Variants in SEPHS1 observed in about 807,000 individuals in gnomAD.
The protein encoded by SEPHS1 is zincore component SEPHS1.
A neutral mutation model predicts 39.2 loss-of-function variants in SEPHS1; 7 were observed. That is an observed-to-expected ratio of 0.18 (90% CI 0.10 to 0.34). The LOEUF is 0.34. SEPHS1 is among the 10% of genes least tolerant of loss of function. The pLI is 1.00. For synonymous variants in SEPHS1, 190 were observed against 195.5 expected (o/e 0.97, Z 0.23); for missense variants, 253 against 514.5 (o/e 0.49, Z 4.92).
chr10:13,325,921 AAAAAAAAAAAAAGAGACTCAGTCTC>A, intron 7 of SEPHS1, among the ~76,000 whole-genome samples: 1 of 65,230 alleles, frequency 1.5e-5, no homozygotes, highest in South Asian at 4.2e-4. Context: ...AAAAAAAAAA[AAAAAAAAAAAAAGAGACTCAGTCTC>A]AAAAAAAAAA....
At chr10:13,321,310 G>A (rs989810619) in intron 8 of SEPHS1, among the ~76,000 whole-genome samples, 11 of 151,926 alleles carry the variant, frequency 7.2e-5, no homozygotes, top group African/African-American at 2.2e-4. Context: ...GCAGTGGGGC[G>A]ATCTTGGCTC....
chr10:13,324,686 C>G (rs967100923), intron 7 of SEPHS1, among the ~76,000 whole-genome samples: 1 of 152,206 alleles, frequency 6.6e-6, no homozygotes, highest in Non-Finnish European at 1.5e-5. Context: ...TCACAGCTTA[C>G]TGCAGCCTCG....
intron 3 of SEPHS1, among the ~76,000 whole-genome samples, chr10:13,336,888 C>A (rs1011753486): frequency 6.6e-6 from 1 of 152,188 alleles, no homozygotes; most frequent in Non-Finnish European, 1.5e-5. Context: ...TGATAGCTCA[C>A]GCCTGTAATC....
rs999233542 is a variant in SEPHS1, at chr10:13,321,410, G to A, written c.964+1425C>T. ...TACAGGGCACACGCCACGACGCCCC[G>A]CTAATTTTTGTATTTTTAGTAGAGA... On this transcript the variant is annotated intron_variant, in intron 8 of 8. Coordinates refer to ENST00000327347, the MANE Select transcript of SEPHS1 (RefSeq NM_012247.5). Among the ~76,000 whole-genome samples, 13 of 152,092 alleles carry A rather than the reference G, an allele frequency of 8.5e-5. No individual in the cohort carries two copies. The Middle Eastern group carries it at 0.02, about 239-fold the overall frequency.
At chr10:13,322,412 C>G (rs1833144779) in intron 8 of SEPHS1, among the ~76,000 whole-genome samples, 1 of 152,038 alleles carries the variant, frequency 6.6e-6, no homozygotes, top group Non-Finnish European at 1.5e-5. Flanking sequence ...TCCTGAGGTG[C>G]CAGTATTACA....
intron 4 of SEPHS1, among the ~76,000 whole-genome samples, chr10:13,334,657 G>A (rs1441434127): frequency 6.6e-6 from 1 of 151,958 alleles, no homozygotes; most frequent in Non-Finnish European, 1.5e-5. Context: ...CTGCTGCAGT[G>A]AGCTCTCATC....
rs369269469 is a variant in SEPHS1 at position 13,329,805 on chromosome 10, G to C, written c.561-17C>G. 5.8e-5 allele frequency: 93 copies of C among 1,591,358 alleles called. No homozygotes were observed. The African/African-American group carries it at 1.1e-3, about 18-fold the overall frequency. Reference sequence around the variant, plus strand: ...TTGTCTGGCCTGAAGAAAAGAAAAGGGCATGTTCTAGTCAAACTAACCAAG... The same window carrying C: ...TTGTCTGGCCTGAAGAAAAGAAAAGCGCATGTTCTAGTCAAACTAACCAAG... On this transcript the variant is annotated splice_polypyrimidine_tract_variant and intron_variant, in intron 5 of 8. Transcript: ENST00000327347.
At position 13,318,165 on chromosome 10, in the gene SEPHS1, A is replaced by G. The variant is rs1832997297; in HGVS notation, c.*977T>C. On this transcript the variant is annotated 3_prime_UTR_variant, in exon 9 of 9. Coordinates refer to ENST00000327347, the MANE Select transcript of SEPHS1 (RefSeq NM_012247.5). Reference sequence around the variant, plus strand: ...TGCAGGTTTTTAACACAGATCACAAAAAGCGTGCACAAAAAAGTACTGGCG... The same window carrying G: ...TGCAGGTTTTTAACACAGATCACAAGAAGCGTGCACAAAAAAGTACTGGCG... 1 of 152,616 alleles carries G rather than the reference A, an allele frequency of 6.6e-6. No homozygotes were observed. The highest frequency in any genetic ancestry group is 2.4e-5 in the African/African-American group (1 of 41,458). 9.5% of individuals were successfully genotyped at this position (152,616 alleles called of 1,614,324 possible).
intron 2 of SEPHS1, among the ~76,000 whole-genome samples, chr10:13,343,917 T>C (rs1178633066): frequency 2.6e-5 from 4 of 152,240 alleles, no homozygotes; most frequent in Non-Finnish European, 2.9e-5. Context: ...AGTCTTGTAC[T>C]GTGTACTTAA....
In SEPHS1 at chr10:13,347,358, G is replaced by T. The variant is rs544006010; in HGVS notation, c.-79+642C>A. On this transcript the variant is annotated intron_variant, in intron 1 of 8. Coordinates refer to ENST00000327347, the MANE Select transcript of SEPHS1 (RefSeq NM_012247.5). ...GGCCGGGGAGGGGAGCAAGGAACCC[G>T]GGGACACCTTCGGGCTCAGGCTCAG... The T allele has an allele frequency of 3.3e-5, 5 of 151,908 alleles. No individual in the cohort carries two copies. In the East Asian group the frequency reaches 9.8e-4, roughly 30 times the overall value. 9.4% of individuals were successfully genotyped at this position (151,908 alleles called of 1,614,324 possible).
chr10:13,342,359 T>C (rs1283905049), intron 2 of SEPHS1, among the ~76,000 whole-genome samples: 1 of 151,660 alleles, frequency 6.6e-6, no homozygotes, highest in Non-Finnish European at 1.5e-5. Flanking sequence ...GGTGGGTGGA[T>C]AACCTGAGCT....
chr10:13,337,431 A>G (rs1564450826), intron 3 of SEPHS1, among the ~76,000 whole-genome samples: 1 of 152,238 alleles, frequency 6.6e-6, no homozygotes. Flanking sequence ...TTTTATAGAC[A>G]ATAAAGAGAA....
intron 7 of SEPHS1, among the ~76,000 whole-genome samples, chr10:13,323,567 C>A (rs1438150161): frequency 2.6e-5 from 4 of 151,958 alleles, no homozygotes; most frequent in Non-Finnish European, 4.4e-5. Context: ...ATTGGCCAGG[C>A]TGATCTTGAA....
At chr10:13,340,280 G>A (rs1833747992) in intron 2 of SEPHS1, among the ~76,000 whole-genome samples, 1 of 151,810 alleles carries the variant, frequency 6.6e-6, no homozygotes, top group African/African-American at 2.4e-5. Flanking sequence ...AGATAACAAA[G>A]CAGAAACTCT....
chr10:13,345,080 C>G, intron 1 of SEPHS1, 52 bp from the exon 2 acceptor site: 1 of 805,274 alleles, frequency 1.2e-6, no homozygotes. Context: ...CCACTGGGAC[C>G]TGCCAGCGAA....
Position 13,343,170 on chromosome 10 carries a change from G to GT in SEPHS1, c.193+1587dup, listed in dbSNP as rs1440193801. Among the ~76,000 whole-genome samples the GT allele has an allele frequency of 3.3e-5, 5 of 152,138 alleles. 1 individual carries two copies. The East Asian group carries it at 9.6e-4, about 29-fold the overall frequency. On this transcript the variant is annotated intron_variant, in intron 2 of 8. Transcript: ENST00000327347. ...TAAATAGTAATTCTTACTTTATGCC[G>GT]TAATGTTTTAATTTCATTGGTTTTT...
rs1332064623 is a variant in SEPHS1 at position 13,318,369 on chromosome 10, GTAT to G, written c.*770_*772del. 3 of 152,540 alleles carry G rather than the reference GTAT, an allele frequency of 2.0e-5. No homozygotes were observed. The highest frequency in any genetic ancestry group is 7.2e-5 in the African/African-American group (3 of 41,422). The allele number at this position is 152,540 out of a possible 1,614,324, so 9.4% of individuals were successfully genotyped here. On this transcript the variant is annotated 3_prime_UTR_variant, in exon 9 of 9. Coordinates refer to ENST00000327347, the MANE Select transcript of SEPHS1 (RefSeq NM_012247.5). ...TAATTATATATTGAATTGTAAATGA[GTAT>G]TATACATGAACCTCCATTCGGAAGG...
intron 4 of SEPHS1, among the ~76,000 whole-genome samples, chr10:13,335,081 C>T (rs906755209): frequency 6.6e-6 from 1 of 152,236 alleles, no homozygotes. Flanking sequence ...TCAAGTTTCT[C>T]TAAGGCAGGG....
At chr10:13,336,191 G>T in intron 4 of SEPHS1, 52 bp downstream of exon 4, 1 of 1,297,026 alleles carries the variant, frequency 7.7e-7, no homozygotes, top group Non-Finnish European at 1.1e-6. Context: ...CAAGGCCAGA[G>T]ATGCCACCGG....
Sources: gnomAD v4.1 joint callset for allele counts (sites outside exome capture counted in the v4.1 genomes callset) on GRCh38, gnomAD v4.1.1 for gene constraint, MANE v1.5 for transcripts, NCBI Gene and HGNC (gene_info 2026-07-23, HGNC 2026-07-21) for gene names.